Variants in CLYBL observed in about 807,000 individuals in gnomAD.
The protein encoded by CLYBL is citramalyl-CoA lyase.
CLYBL carries 31 observed loss-of-function variants against 38.9 expected under a neutral mutation model. The observed-to-expected ratio is 0.80, with a 90% CI of 0.60 to 1.08. CLYBL has a LOEUF of 1.08. Ranked by LOEUF, CLYBL falls within the 50% of genes least tolerant of loss-of-function variation. The pLI is 0.00. For synonymous variants in CLYBL, 171 were observed against 158.6 expected (o/e 1.08, Z -0.59); for missense variants, 434 against 411.6 (o/e 1.05, Z -0.47).
intron 2 of CLYBL, among the ~76,000 whole-genome samples, chr13:99,781,532 G>C (rs961396312): frequency 6.6e-6 from 1 of 152,104 alleles, no homozygotes; most frequent in Non-Finnish European, 1.5e-5. Context: ...CTGGAGTGCA[G>C]TGGCATGATC....
At chr13:99,712,434 A>C (rs1323087859) in intron 1 of CLYBL, among the ~76,000 whole-genome samples, 1 of 149,980 alleles carries the variant, frequency 6.7e-6, no homozygotes, top group Non-Finnish European at 1.5e-5. Flanking sequence ...TCCTGGGCTC[A>C]AGCGATCCTC....
chr13:99,627,431 G>C (rs562079871), intron 1 of CLYBL, among the ~76,000 whole-genome samples: 1 of 152,174 alleles, frequency 6.6e-6, no homozygotes, highest in Non-Finnish European at 1.5e-5. Flanking sequence ...TTTGGCAGCT[G>C]GTTTAGTTTT....
At chr13:99,792,831 A>T (rs937804986) in intron 2 of CLYBL, among the ~76,000 whole-genome samples, 4 of 152,152 alleles carry the variant, frequency 2.6e-5, no homozygotes, top group Non-Finnish European at 5.9e-5. Context: ...TCCATTTGTC[A>T]GTGTGAGTTG....
chr13:99,748,702 G>T (rs2048902024), intron 1 of CLYBL, among the ~76,000 whole-genome samples: 1 of 151,562 alleles, frequency 6.6e-6, no homozygotes, highest in African/African-American at 2.4e-5. Flanking sequence ...GCCTCTCAAA[G>T]TGCTGGAATT....
intron 1 of CLYBL, among the ~76,000 whole-genome samples, chr13:99,608,057 ACTT>A (rs759085639): frequency 7.9e-6 from 1 of 127,242 alleles, no homozygotes; most frequent in East Asian, 2.3e-4. Flanking sequence ...GTGGTCTGGA[ACTT>A]CTTTTTTTTT....
chr13:99,892,475 C>G lies in CLYBL; in HGVS notation c.*57C>G, dbSNP rs2052512958. ...GGTATTGAAGCTGCAGAGGGATCAA[C>G]TTGTGCTTGCCAGAGGACGCCAATG... On this transcript the variant is annotated 3_prime_UTR_variant, in exon 9 of 9. Transcript: ENST00000339105. The G allele has an allele frequency of 6.5e-6, 1 of 152,680 alleles. No individual in the cohort carries two copies. Among genetic ancestry groups the G allele is most frequent in the South Asian group, 2.1e-4 (1 of 4,832 alleles). 9.5% of individuals were successfully genotyped at this position (152,680 alleles called of 1,614,324 possible).
intron 1 of CLYBL, among the ~76,000 whole-genome samples, chr13:99,735,294 A>G (rs912469476): frequency 1.3e-5 from 2 of 152,160 alleles, no homozygotes; most frequent in African/African-American, 4.8e-5. Context: ...CCTGGGCTCA[A>G]GCCATCCTCC....
chr13:99,778,236 C>T (rs185340764), intron 2 of CLYBL, among the ~76,000 whole-genome samples: 1 of 152,286 alleles, frequency 6.6e-6, no homozygotes, highest in East Asian at 1.9e-4. Flanking sequence ...AAAGTCACCT[C>T]TTAATCATGT....
chr13:99,813,309 T>C (rs1423093212), intron 2 of CLYBL, among the ~76,000 whole-genome samples: 2 of 152,228 alleles, frequency 1.3e-5, no homozygotes, highest in Non-Finnish European at 2.9e-5. Context: ...TAATAAGCCC[T>C]TTCTGGCTTT....
At chr13:99,862,705 A>T (rs972312739) in intron 3 of CLYBL, among the ~76,000 whole-genome samples, 2 of 152,172 alleles carry the variant, frequency 1.3e-5, no homozygotes, top group African/African-American at 2.4e-5. Context: ...TTTTCAGGGA[A>T]AGCGTTTATA....
At chr13:99,830,070 T>TC (rs535884294) in intron 2 of CLYBL, among the ~76,000 whole-genome samples, 3 of 152,146 alleles carry the variant, frequency 2.0e-5, no homozygotes, top group South Asian at 2.1e-4. Flanking sequence ...GTCCTGGCTC[T>TC]CCCCCCGGCA....
At chr13:99,684,740 TAAC>T (rs2047792948) in intron 1 of CLYBL, among the ~76,000 whole-genome samples, 1 of 152,180 alleles carries the variant, frequency 6.6e-6, no homozygotes. Context: ...TGTGAAATAA[TAAC>T]AAGATAAAAT....
At chr13:99,845,003 G>T (rs2051166602) in intron 2 of CLYBL, among the ~76,000 whole-genome samples, 1 of 152,178 alleles carries the variant, frequency 6.6e-6, no homozygotes, top group Non-Finnish European at 1.5e-5. Context: ...AAACAGCGTT[G>T]TGATATGATG....
intron 2 of CLYBL, among the ~76,000 whole-genome samples, chr13:99,783,398 T>C (rs755141842): frequency 6.6e-6 from 1 of 152,092 alleles, no homozygotes; most frequent in Non-Finnish European, 1.5e-5. Context: ...GAAGTTCTAT[T>C]TGGTTCTTCT....
intron 2 of CLYBL, among the ~76,000 whole-genome samples, chr13:99,794,744 A>C (rs534505705): frequency 2.0e-5 from 3 of 151,970 alleles, no homozygotes; most frequent in East Asian, 3.9e-4. Context: ...GGCATGTGCC[A>C]CCACACCTGG....
rs77526517 is a variant in CLYBL, at chr13:99,850,303, A to T, written c.250-8558A>T. ...GAACTGTTATTTTGTTGTTGTTATA[A>T]CTCAACAACAAAAAGACAAACAGGC... is the stretch of plus-strand genomic sequence containing the variant. On this transcript the variant is annotated intron_variant, in intron 2 of 8. Transcript: ENST00000339105. Among the ~76,000 whole-genome samples, 1,344 of 152,320 alleles carry T rather than the reference A, an allele frequency of 8.8e-3. 16 individuals carry two copies. Among genetic ancestry groups the T allele is most frequent in the African/African-American group, 0.03 (1,239 of 41,576 alleles).
At chr13:99,709,138 C>T (rs534500191) in intron 1 of CLYBL, among the ~76,000 whole-genome samples, 1 of 152,010 alleles carries the variant, frequency 6.6e-6, no homozygotes, top group South Asian at 2.1e-4. Context: ...GGGCACTAAT[C>T]CAATATGATT....
chr13:99,886,996 C>T (rs1357355875), intron 7 of CLYBL, among the ~76,000 whole-genome samples: 1 of 152,210 alleles, frequency 6.6e-6, no homozygotes, highest in Non-Finnish European at 1.5e-5. Flanking sequence ...GAAATTCTGC[C>T]ATTTGGCATC....
chr13:99,833,759 G>T (rs942604403), intron 2 of CLYBL, among the ~76,000 whole-genome samples: 1 of 134,794 alleles, frequency 7.4e-6, no homozygotes, highest in Admixed American at 8.6e-5. Context: ...GCGCAATCTC[G>T]GCTCACTGCA....
Sources: gnomAD v4.1 joint callset for allele counts (sites outside exome capture counted in the v4.1 genomes callset) on GRCh38, gnomAD v4.1.1 for gene constraint, MANE v1.5 for transcripts, NCBI Gene and HGNC (gene_info 2026-07-23, HGNC 2026-07-21) for gene names.